The following PAX5 variants were observed in gnomAD, a reference collection of about 807,000 sequenced individuals.
PAX5 encodes paired box protein Pax-5.
PAX5 carries 9 observed loss-of-function variants against 43.7 expected under a neutral mutation model. The ratio of observed to expected loss-of-function variants is 0.21; its 90% CI spans 0.12 to 0.36. PAX5 has a LOEUF of 0.36. Among genes scored for constraint, PAX5 ranks in the 10% least tolerant of loss-of-function variants. The probability of loss-of-function intolerance (pLI) is 1.00; values close to 1 mark genes in which losing one functional copy is unlikely to be tolerated. For missense variants in PAX5, 383 were observed against 532.7 expected, an observed-to-expected ratio of 0.72 and a Z score of 2.77; for synonymous variants, 228 against 214.3, an observed-to-expected ratio of 1.06 and a Z score of -0.56.
At chr9:36,872,942 C>T (rs1463781938) in intron 8 of PAX5, among the ~76,000 whole-genome samples, 2 of 152,156 alleles carry the variant, frequency 1.3e-5, no homozygotes, top group Non-Finnish European at 1.5e-5. Flanking sequence ...CCTTCCAGCT[C>T]ATCTCCCACC....
chr9:36,990,708 C>T (rs1452972808), intron 5 of PAX5, among the ~76,000 whole-genome samples: 2 of 152,238 alleles, frequency 1.3e-5, no homozygotes, highest in African/African-American at 4.8e-5. Context: ...GATGCAGTGA[C>T]CTTGAGCAAA....
At position 36,836,038 on chromosome 9, in the gene PAX5, T is replaced by G. The variant is rs1821619471; in HGVS notation, c.*4522A>C. ...GGAGCTCAATTCTGGCTGAATGTCA[T>G]GAGGAGGGGGTGGCTGGAGCCACTG... On this transcript the variant is annotated 3_prime_UTR_variant, in exon 10 of 10. Coordinates refer to ENST00000358127, the MANE Select transcript of PAX5 (RefSeq NM_016734.3). 1 of 233,740 alleles carries G rather than the reference T, an allele frequency of 4.3e-6. No individual in the cohort carries two copies. Among genetic ancestry groups the G allele is most frequent in the Non-Finnish European group, 8.4e-6 (1 of 118,438 alleles). The allele number at this position is 233,740 out of a possible 1,614,324, so 14.5% of individuals were successfully genotyped here. A position where few individuals can be genotyped will look rare whatever the true frequency, so the allele number is the denominator to read the frequency against.
chr9:37,003,958 C>T (rs1227768707), intron 4 of PAX5, among the ~76,000 whole-genome samples: 1 of 152,260 alleles, frequency 6.6e-6, no homozygotes, highest in African/African-American at 2.4e-5. Flanking sequence ...ATATACTTCA[C>T]ATGAATGCAG....
chr9:36,855,240 C>T (rs1181824327), intron 8 of PAX5, among the ~76,000 whole-genome samples: 2 of 152,194 alleles, frequency 1.3e-5, no homozygotes, highest in African/African-American at 4.8e-5. Flanking sequence ...AACAATTGAT[C>T]GGCTCCTGGT....
intron 6 of PAX5, among the ~76,000 whole-genome samples, chr9:36,926,577 T>C (rs1189965335): frequency 1.3e-5 from 2 of 152,240 alleles, no homozygotes; most frequent in African/African-American, 4.8e-5. Flanking sequence ...GGCATGAATT[T>C]AGAATTCCAC....
intron 5 of PAX5, among the ~76,000 whole-genome samples, chr9:36,972,166 G>A (rs576152843): frequency 6.6e-5 from 10 of 152,342 alleles, no homozygotes; most frequent in African/African-American, 2.2e-4. Flanking sequence ...GAGCCGCCAG[G>A]TCAGCCTCCA....
At position 36,838,514 on chromosome 9, in the gene PAX5, C is replaced by T. The variant is rs150924726; in HGVS notation, c.*2046G>A. 55 of 232,764 alleles carry T rather than the reference C, an allele frequency of 2.4e-4. No homozygotes were observed. The highest frequency in any genetic ancestry group is 1.1e-3 in the African/African-American group (51 of 45,414). 14.4% of individuals were successfully genotyped at this position (232,764 alleles called of 1,614,324 possible). A position where few individuals can be genotyped will look rare whatever the true frequency, so the allele number is the denominator to read the frequency against. On this transcript the variant is annotated 3_prime_UTR_variant, in exon 10 of 10. Coordinates refer to ENST00000358127, the MANE Select transcript of PAX5 (RefSeq NM_016734.3). ...GGGACTTAGGGAACAAAATACTTAG[C>T]GGTGGCCAGAGGAAGTCTGCTTTTT...
intron 6 of PAX5, among the ~76,000 whole-genome samples, chr9:36,948,718 A>G (rs1295542675): frequency 6.6e-6 from 1 of 152,122 alleles, no homozygotes; most frequent in Non-Finnish European, 1.5e-5. Flanking sequence ...CAAATGCCCC[A>G]TCACTGCAGG....
intron 3 of PAX5, among the ~76,000 whole-genome samples, chr9:37,013,048 G>A (rs1839082263): frequency 1.3e-5 from 2 of 151,764 alleles, no homozygotes; most frequent in African/African-American, 2.4e-5. Flanking sequence ...CCAGGAGTTC[G>A]ATACCAGCCT....
At chr9:36,892,261 G>C (rs577303199) in intron 7 of PAX5, among the ~76,000 whole-genome samples, 1 of 152,292 alleles carries the variant, frequency 6.6e-6, no homozygotes, top group South Asian at 2.1e-4. Context: ...GGGCTAGCTC[G>C]TGACTTTATT....
intron 3 of PAX5, among the ~76,000 whole-genome samples, chr9:37,014,042 T>A (rs1397387196): frequency 6.6e-6 from 1 of 152,204 alleles, no homozygotes; most frequent in Admixed American, 6.5e-5. Context: ...AAATGGAAAC[T>A]GTCCAAGTTT....
rs768539122 is a variant in PAX5, at chr9:37,033,970, C to T, written c.46+16G>A. On this transcript the variant is annotated intron_variant, in intron 1 of 9. Transcript: ENST00000358127. ...TCCCGGAGTTTGCACATCTGGAGCC[C>T]GTATCGCGGTCCTACCTGTCCTGCT... 4 of 1,610,968 alleles carry T rather than the reference C, an allele frequency of 2.5e-6. No homozygotes were observed. The highest frequency in any genetic ancestry group is 3.4e-6 in the Non-Finnish European group (4 of 1,179,102).
At chr9:36,849,117 C>T (rs1315503525) in intron 8 of PAX5, among the ~76,000 whole-genome samples, 1 of 152,206 alleles carries the variant, frequency 6.6e-6, no homozygotes, top group Admixed American at 6.5e-5. Context: ...CAGGGGAATC[C>T]GTTGTACGTG....
chr9:36,878,700 C>G (rs1304881462), intron 8 of PAX5, among the ~76,000 whole-genome samples: 1 of 152,216 alleles, frequency 6.6e-6, no homozygotes, highest in Non-Finnish European at 1.5e-5. Context: ...TGGGCCCTCT[C>G]TGTTCTGTGG....
intron 5 of PAX5, among the ~76,000 whole-genome samples, chr9:36,967,201 G>A (rs2132198967): frequency 6.6e-6 from 1 of 152,270 alleles, no homozygotes; most frequent in East Asian, 1.9e-4. Flanking sequence ...CATGTGACCG[G>A]TCAGTGAAAC....
chr9:36,971,745 C>T (rs532571142), intron 5 of PAX5, among the ~76,000 whole-genome samples: 95 of 152,270 alleles, frequency 6.2e-4, no homozygotes, highest in African/African-American at 2.3e-3. Flanking sequence ...GCAGGAAGCC[C>T]CGTCTCGGGG....
intron 3 of PAX5, among the ~76,000 whole-genome samples, chr9:37,009,563 G>A (rs989742916): frequency 4.6e-5 from 7 of 152,102 alleles, no homozygotes; most frequent in Non-Finnish European, 7.4e-5. Context: ...GGGGAGTAAA[G>A]ATGCTCAATG....
chr9:37,034,155 T>A lies in PAX5; in HGVS notation c.-124A>T, dbSNP rs529500043. ...GCCAGGGGCCGCTCACAGGTCGGAA[T>A]AATTCAAGCCTTCCGCTCCCCCGCC... On this transcript the variant is annotated 5_prime_UTR_variant, in exon 1 of 10. Transcript: ENST00000358127. 6.9e-6 allele frequency: 4 copies of A among 579,604 alleles called. No individual in the cohort carries two copies. The highest frequency in any genetic ancestry group is 6.1e-5 in the South Asian group (3 of 49,520). The allele number at this position is 579,604 out of a possible 1,614,324, so 35.9% of individuals were successfully genotyped here. A position where few individuals can be genotyped will look rare whatever the true frequency, so the allele number is the denominator to read the frequency against.
In PAX5 at chr9:36,840,340, T is replaced by C. The variant is rs953547966; in HGVS notation, c.*220A>G. The C allele has an allele frequency of 1.5e-5, 9 of 617,146 alleles. No individual in the cohort carries two copies. Among genetic ancestry groups the C allele is most frequent in the Admixed American group, 1.1e-4 (4 of 36,944 alleles). 38.2% of individuals were successfully genotyped at this position (617,146 alleles called of 1,614,324 possible). ...AGACCCAGTGGCCATCGGGAGAAGC[T>C]CATAGATTGGCTTTTAGAAATAGAC... On this transcript the variant is annotated 3_prime_UTR_variant, in exon 10 of 10. Transcript: ENST00000358127.
Sources: gnomAD v4.1 joint callset for allele counts (sites outside exome capture counted in the v4.1 genomes callset) on GRCh38, gnomAD v4.1.1 for gene constraint, MANE v1.5 for transcripts, NCBI Gene and HGNC (gene_info 2026-07-23, HGNC 2026-07-21) for gene names.